The following CCDC144A variants were observed in gnomAD, a reference collection of about 807,000 sequenced individuals.
The protein encoded by CCDC144A is coiled-coil domain containing 144A, also known as coiled-coil domain-containing protein 144A.
In CCDC144A, 41 loss-of-function variants were observed where a neutral mutation model predicts 143.8. The observed-to-expected ratio is 0.29, with a 90% confidence interval of 0.22 to 0.37. The LOEUF (loss-of-function observed/expected upper bound fraction) is 0.37. Among genes scored for constraint, CCDC144A ranks in the 10% least tolerant of loss-of-function variants. The probability of loss-of-function intolerance (pLI) is 1.00; values close to 1 mark genes in which losing one functional copy is unlikely to be tolerated. For synonymous variants in CCDC144A, 242 were observed against 517.9 expected, an observed-to-expected ratio of 0.47 and a Z score of 7.23; for missense variants, 637 against 1,488.8, an observed-to-expected ratio of 0.43 and a Z score of 9.41.
the CCDC144A span, among the ~76,000 whole-genome samples, chr17:16,680,349 G>A: frequency 6.6e-6 from 1 of 152,012 alleles, no homozygotes; most frequent in Admixed American, 6.6e-5. Flanking sequence ...GATTGCTGGA[G>A]ACAGAAAAAT....
At chr17:16,696,994 T>C (rs1251558248) in intron 2 of CCDC144A, among the ~76,000 whole-genome samples, 2 of 151,788 alleles carry the variant, frequency 1.3e-5, no homozygotes, top group African/African-American at 4.9e-5. Flanking sequence ...TCCTACCACA[T>C]GCTCATTCCT....
chr17:16,766,260 C>T (rs1915591869), intron 15 of CCDC144A: 1 of 152,274 alleles, frequency 6.6e-6, no homozygotes, highest in African/African-American at 2.4e-5. Flanking sequence ...GTCAGATCTG[C>T]ATTTATCTTA....
chr17:16,732,500 T>G, intron 10 of CCDC144A, 38 bp from the exon 11 acceptor site: 1 of 1,558,904 alleles, frequency 6.4e-7, no homozygotes, highest in Non-Finnish European at 8.7e-7. Flanking sequence ...ATTTTCTTTT[T>G]CAGTGCTATT....
chr17:16,709,769 T>G (rs967367214), intron 5 of CCDC144A, 134 bp downstream of exon 5: 8 of 1,352,658 alleles, frequency 5.9e-6, no homozygotes, highest in South Asian at 3.0e-5. Flanking sequence ...TAGAAACAGA[T>G]GATTTCTAAG....
chr17:16,668,827 T>G, the CCDC144A span, among the ~76,000 whole-genome samples: 1 of 152,206 alleles, frequency 6.6e-6, no homozygotes, highest in Non-Finnish European at 1.5e-5. Flanking sequence ...CTGATTTGGT[T>G]CTTGAACAGG....
intron 6 of CCDC144A, among the ~76,000 whole-genome samples, chr17:16,717,115 T>C (rs566755013): frequency 4.0e-4 from 56 of 139,522 alleles, no homozygotes; most frequent in East Asian, 1.7e-3. Context: ...TTTTTTTTTT[T>C]TTTTCTTTTC....
At chr17:16,701,983 G>A (rs993582101) in intron 2 of CCDC144A, among the ~76,000 whole-genome samples, 2 of 151,886 alleles carry the variant, frequency 1.3e-5, no homozygotes, top group Non-Finnish European at 2.9e-5. Context: ...AACACTACAG[G>A]TGAATAAATA....
intron 12 of CCDC144A, among the ~76,000 whole-genome samples, chr17:16,753,545 T>G (rs1478621979): frequency 6.0e-5 from 9 of 151,224 alleles, no homozygotes; most frequent in African/African-American, 2.2e-4. Flanking sequence ...GCCTTCTTGA[T>G]GTCTTTTTAT....
intron 12 of CCDC144A, among the ~76,000 whole-genome samples, chr17:16,736,575 G>T (rs1914016082): frequency 6.6e-6 from 1 of 151,714 alleles, no homozygotes. Context: ...CTATCATTCG[G>T]ATATAACTTT....
chr17:16,754,732 G>T (rs1302572938), intron 12 of CCDC144A, among the ~76,000 whole-genome samples: 3 of 152,246 alleles, frequency 2.0e-5, no homozygotes, highest in Non-Finnish European at 1.5e-5. Flanking sequence ...GTAAGTGTCT[G>T]CTAGGTCCAT....
At chr17:16,706,585 A>C (rs1912076490) in intron 3 of CCDC144A, 1 of 144,478 alleles carries the variant, frequency 6.9e-6, no homozygotes, top group Admixed American at 6.9e-5. Flanking sequence ...TACCCCTTCT[A>C]ATTAGGCTAG....
the CCDC144A span, among the ~76,000 whole-genome samples, chr17:16,674,268 G>A: frequency 1.3e-5 from 2 of 151,984 alleles, no homozygotes; most frequent in African/African-American, 4.8e-5. Flanking sequence ...TACAAAAATT[G>A]TCCAGGCATG....
At chr17:16,749,249 T>C (rs1914674630) in intron 12 of CCDC144A, among the ~76,000 whole-genome samples, 1 of 152,234 alleles carries the variant, frequency 6.6e-6, no homozygotes, top group Non-Finnish European at 1.5e-5. Flanking sequence ...GCTTTCCTCT[T>C]ATGCTGCTTT....
chr17:16,772,853 C>CT, intron 16 of CCDC144A: 1 of 1,104,762 alleles, frequency 9.1e-7, no homozygotes, highest in Non-Finnish European at 1.3e-6. Flanking sequence ...TATTTGTCTG[C>CT]TTTTTCAGGT....
At chr17:16,683,533 G>A in the CCDC144A span, 5 of 1,553,976 alleles carry the variant, frequency 3.2e-6, no homozygotes, top group Admixed American at 6.7e-5. Flanking sequence ...GTGAGGAGGG[G>A]CGGCAAGTCC....
chr17:16,715,460 C>G lies in CCDC144A; in HGVS notation c.1715+3645C>G, dbSNP rs138803360. ...ATAGTTTTCCATTTAGAGAGAAAAG[C>G]TCAATATTGTCATTACTCACTATTT... On this transcript the variant is annotated intron_variant, in intron 6 of 16. Coordinates refer to ENST00000399273, the MANE Select transcript of CCDC144A (RefSeq NM_001382000.1). Among the ~76,000 whole-genome samples, 116 of 152,208 alleles carry G rather than the reference C, an allele frequency of 7.6e-4. 4 individuals are homozygous for G. The East Asian group carries it at 0.022, about 29-fold the overall frequency.
the CCDC144A span, chr17:16,683,460 G>A: frequency 6.9e-6 from 9 of 1,299,316 alleles, no homozygotes; most frequent in African/African-American, 1.2e-4. Context: ...TGTCCCTGGC[G>A]GCAGAGTCGC....
chr17:16,667,767 AT>A, the CCDC144A span, among the ~76,000 whole-genome samples: 7 of 151,306 alleles, frequency 4.6e-5, no homozygotes, highest in African/African-American at 1.5e-4. Context: ...TTTTGGTATC[AT>A]TTTTATGCTG....
At chr17:16,764,836 A>G (rs561887165) in intron 15 of CCDC144A, 24 of 150,570 alleles carry the variant, frequency 1.6e-4, no homozygotes, top group African/African-American at 5.9e-4. Context: ...AAATAGTTAA[A>G]TCAAATAAAT....
Sources: gnomAD v4.1 joint callset for allele counts (sites outside exome capture counted in the v4.1 genomes callset) on GRCh38, gnomAD v4.1.1 for gene constraint, MANE v1.5 for transcripts, NCBI Gene and HGNC (gene_info 2026-07-23, HGNC 2026-07-21) for gene names.